C10orf67: variants seen among roughly 807,000 people sequenced by gnomAD.
C10orf67 encodes chromosome 10 open reading frame 67, also known as uncharacterized protein C10orf67, mitochondrial.
In C10orf67, 60 loss-of-function variants were observed where a neutral mutation model predicts 35.6. The observed-to-expected ratio is 1.68, with a 90% CI of 1.37 to 2.09. C10orf67 has a LOEUF of 2.09. Ranked by LOEUF, C10orf67 falls within the 30% of genes most tolerant of loss-of-function variation. The pLI, the probability that C10orf67 is intolerant of heterozygous loss-of-function variation, is 0.00. For synonymous variants in C10orf67, 167 were observed against 115.8 expected, an observed-to-expected ratio of 1.44 and a Z score of -2.84; for missense variants, 474 against 330.2, an observed-to-expected ratio of 1.44 and a Z score of -3.38.
intron 12 of C10orf67, among the ~76,000 whole-genome samples, chr10:23,241,015 A>G (rs1393106128): frequency 6.6e-6 from 1 of 152,248 alleles, no homozygotes; most frequent in Non-Finnish European, 1.5e-5. Context: ...GCTACCTTTC[A>G]TGAAAGAAGA....
At chr10:23,237,724 C>T (rs1303825973) in intron 13 of C10orf67, among the ~76,000 whole-genome samples, 1 of 152,122 alleles carries the variant, frequency 6.6e-6, no homozygotes, top group Non-Finnish European at 1.5e-5. Flanking sequence ...AATTTAAGAA[C>T]AGGCAAAACT....
intron 12 of C10orf67, among the ~76,000 whole-genome samples, chr10:23,247,388 T>G (rs1842342850): frequency 6.6e-6 from 1 of 152,238 alleles, no homozygotes; most frequent in Non-Finnish European, 1.5e-5. Flanking sequence ...TTATAATTGC[T>G]TACAGTATTC....
intron 8 of C10orf67, among the ~76,000 whole-genome samples, chr10:23,270,969 T>A (rs10828419): frequency 6.6e-6 from 1 of 152,106 alleles, no homozygotes; most frequent in East Asian, 1.9e-4. Context: ...TTAAAAGACA[T>A]AAAATGGCAA....
intron 7 of C10orf67, among the ~76,000 whole-genome samples, chr10:23,286,112 C>T (rs1450997787): frequency 5.3e-5 from 8 of 151,866 alleles, no homozygotes; most frequent in Non-Finnish European, 7.4e-5. Flanking sequence ...AAGAACCAGG[C>T]CCAGTGCAGT....
At chr10:23,250,957 C>T (rs1842437229) in intron 10 of C10orf67, among the ~76,000 whole-genome samples, 1 of 151,992 alleles carries the variant, frequency 6.6e-6, no homozygotes, top group Non-Finnish European at 1.5e-5. Context: ...ATTAGCAAGG[C>T]ATAGTGGCAT....
intron 13 of C10orf67, among the ~76,000 whole-genome samples, chr10:23,227,467 C>A (rs1841772387): frequency 6.6e-6 from 1 of 152,092 alleles, no homozygotes; most frequent in African/African-American, 2.4e-5. Flanking sequence ...TATGACAAAC[C>A]CACAGCCAAT....
At chr10:23,323,891 CTAAATATATA>C in intron 2 of C10orf67, among the ~76,000 whole-genome samples, 1 of 60,544 alleles carries the variant, frequency 1.7e-5, no homozygotes, top group African/African-American at 5.3e-5. Context: ...AAGACTCCGT[CTAAATATATA>C]TATATATATA....
intron 2 of C10orf67, among the ~76,000 whole-genome samples, chr10:23,331,819 ACAGACC>A (rs1191001333): frequency 6.6e-6 from 1 of 152,196 alleles, no homozygotes; most frequent in African/African-American, 2.4e-5. Context: ...CAGAGCTGCC[ACAGACC>A]ATTCCCATCT....
chr10:23,282,631 G>A (rs1050396316), intron 7 of C10orf67, among the ~76,000 whole-genome samples: 4 of 152,064 alleles, frequency 2.6e-5, no homozygotes, highest in African/African-American at 9.7e-5. Flanking sequence ...AGGAGTTCAA[G>A]ACCAGCCTGA....
At chr10:23,218,336 C>T (rs1479840563) in intron 15 of C10orf67, among the ~76,000 whole-genome samples, 4 of 124,946 alleles carry the variant, frequency 3.2e-5, no homozygotes, top group Middle Eastern at 5.4e-3. Context: ...TTTGTAGAGA[C>T]GGGGCTTCCC....
At chr10:23,343,861 G>C (rs1001450502) in intron 1 of C10orf67, 8 of 459,152 alleles carry the variant, frequency 1.7e-5, no homozygotes, top group African/African-American at 6.1e-5. Context: ...CGGGGCGCGA[G>C]GGCTCCGGGG....
chr10:23,227,406 C>G (rs1432700780), intron 13 of C10orf67, among the ~76,000 whole-genome samples: 26 of 152,160 alleles, frequency 1.7e-4, no homozygotes, highest in Non-Finnish European at 4.4e-5. Context: ...GCTAAAAACT[C>G]TCAATAAATT....
chr10:23,252,849 C>T (rs1219903985), intron 10 of C10orf67, among the ~76,000 whole-genome samples: 1 of 152,120 alleles, frequency 6.6e-6, no homozygotes, highest in East Asian at 1.9e-4. Flanking sequence ...TATGGTTTGG[C>T]TCTGTGTCCC....
At chr10:23,303,816 G>A (rs751328942) in intron 4 of C10orf67, among the ~76,000 whole-genome samples, 5 of 152,168 alleles carry the variant, frequency 3.3e-5, no homozygotes, top group South Asian at 2.1e-4. Flanking sequence ...GCAGCCATCC[G>A]TGGACAAAAG....
At chr10:23,212,330 G>A (rs569764070) in intron 15 of C10orf67, among the ~76,000 whole-genome samples, 98 of 152,318 alleles carry the variant, frequency 6.4e-4, no homozygotes, top group Admixed American at 1.2e-3. Flanking sequence ...CACCTGGTTT[G>A]TGGTAGCTTG....
In C10orf67 at chr10:23,323,915, AT is replaced by A. The variant is rs1336249843; in HGVS notation, c.328-1379del. ...TCTAAATATATATATATATATATAT[AT>A]ATATATATATATATATATATATATA... On this transcript the variant is annotated intron_variant, in intron 2 of 15. Transcript: ENST00000636213. Among the ~76,000 whole-genome samples the A allele has an allele frequency of 1.2e-3, 34 of 28,312 alleles. 1 individual carries two copies. Among genetic ancestry groups the A allele is most frequent in the African/African-American group, 8.0e-3 (33 of 4,132 alleles). The allele number at this position is 28,312 out of a possible 152,430, so 18.6% of individuals were successfully genotyped here.
At chr10:23,211,329 A>G (rs553982055) in intron 15 of C10orf67, among the ~76,000 whole-genome samples, 97 of 152,280 alleles carry the variant, frequency 6.4e-4, no homozygotes, top group African/African-American at 2.1e-3. Context: ...CTCTTATGAC[A>G]CTAGTTATAT....
chr10:23,316,269 A>G (rs946432253), intron 4 of C10orf67, among the ~76,000 whole-genome samples: 4 of 152,202 alleles, frequency 2.6e-5, no homozygotes, highest in African/African-American at 9.6e-5. Flanking sequence ...AGCTCCCTGC[A>G]AGGCTGCAGC....
intron 10 of C10orf67, among the ~76,000 whole-genome samples, chr10:23,251,828 T>C (rs896833724): frequency 6.6e-6 from 1 of 152,174 alleles, no homozygotes; most frequent in South Asian, 2.1e-4. Flanking sequence ...CCAAGGTAAA[T>C]ACAAATTTTC....
Sources: gnomAD v4.1 joint callset for allele counts (sites outside exome capture counted in the v4.1 genomes callset) on GRCh38, gnomAD v4.1.1 for gene constraint, MANE v1.5 for transcripts, NCBI Gene and HGNC (gene_info 2026-07-23, HGNC 2026-07-21) for gene names.